Variants in EGFLAM observed in about 807,000 individuals in gnomAD.
The protein encoded by EGFLAM is EGF like, fibronectin type III and laminin G domains.
A neutral mutation model predicts 113.1 loss-of-function variants in EGFLAM; 79 were observed. The observed-to-expected ratio is 0.70, with a 90% CI of 0.58 to 0.84. The LOEUF (loss-of-function observed/expected upper bound fraction) is 0.84, where lower values mean the gene tolerates loss of function less well. EGFLAM is among the 40% of genes least tolerant of loss of function. The probability of loss-of-function intolerance (pLI) is 0.00; values close to 1 mark genes in which losing one functional copy is unlikely to be tolerated. For missense variants in EGFLAM, 1,265 were observed against 1,291.6 expected, an observed-to-expected ratio of 0.98 and a Z score of 0.32; for synonymous variants, 504 against 487.6, an observed-to-expected ratio of 1.03 and a Z score of -0.44.
chr5:38,316,084 A>C (rs1471737526), intron 1 of EGFLAM, among the ~76,000 whole-genome samples: 1 of 151,922 alleles, frequency 6.6e-6, no homozygotes, highest in Non-Finnish European at 1.5e-5. Context: ...CCCAAAAAAA[A>C]AAAAAAAATC....
At chr5:38,274,266 A>G (rs1757832669) in intron 1 of EGFLAM, among the ~76,000 whole-genome samples, 1 of 152,212 alleles carries the variant, frequency 6.6e-6, no homozygotes, top group African/African-American at 2.4e-5. Flanking sequence ...ATGAAAAACA[A>G]AGGGGTAGAA....
chr5:38,323,513 T>G (rs144865082), intron 1 of EGFLAM, among the ~76,000 whole-genome samples: 1 of 152,368 alleles, frequency 6.6e-6, no homozygotes, highest in East Asian at 1.9e-4. Context: ...TTTCAAATGC[T>G]ATGTTTCTTC....
intron 1 of EGFLAM, among the ~76,000 whole-genome samples, chr5:38,291,923 G>A (rs539295412): frequency 1.3e-5 from 2 of 152,322 alleles, no homozygotes; most frequent in Non-Finnish European, 2.9e-5. Context: ...GCACTGCAGA[G>A]CTCTGCGTCA....
In EGFLAM at chr5:38,443,830, G is replaced by T. The variant is rs559010490; in HGVS notation, c.2465-4471G>T. On this transcript the variant is annotated intron_variant, in intron 17 of 21. Transcript: ENST00000322350. Reference sequence around the variant, plus strand: ...TGTCACCCCAGGCTGGAGTGCAGTGGCGTGATCTTGGCTCACTGCAGCCTC... The same window carrying T: ...TGTCACCCCAGGCTGGAGTGCAGTGTCGTGATCTTGGCTCACTGCAGCCTC... Among the ~76,000 whole-genome samples, 15 of 151,180 alleles carry T rather than the reference G, an allele frequency of 9.9e-5. No individual in the cohort carries two copies. The South Asian group carries it at 1.7e-3, about 17-fold the overall frequency.
At chr5:38,368,189 A>G (rs1740112916) in intron 5 of EGFLAM, among the ~76,000 whole-genome samples, 1 of 152,200 alleles carries the variant, frequency 6.6e-6, no homozygotes, top group African/African-American at 2.4e-5. Context: ...CTTTACTTTT[A>G]GGTATCCCCT....
intron 8 of EGFLAM, 99 bp downstream of exon 8, chr5:38,407,245 C>A: frequency 2.3e-6 from 3 of 1,293,128 alleles, no homozygotes; most frequent in Non-Finnish European, 3.2e-6. Flanking sequence ...CTAGTCCCTT[C>A]TCCAAGATAA....
intron 1 of EGFLAM, among the ~76,000 whole-genome samples, chr5:38,336,470 A>G (rs1205881732): frequency 6.6e-6 from 1 of 151,932 alleles, no homozygotes; most frequent in Non-Finnish European, 1.5e-5. Flanking sequence ...GCTACTCCGG[A>G]GGCTGAGGCA....
intron 10 of EGFLAM, among the ~76,000 whole-genome samples, chr5:38,409,429 C>G (rs1399526941): frequency 6.6e-6 from 1 of 151,856 alleles, no homozygotes; most frequent in African/African-American, 2.4e-5. Flanking sequence ...GTACCTGGCA[C>G]TGCAGGTGCT....
At chr5:38,432,563 A>C (rs1419845622) in intron 15 of EGFLAM, among the ~76,000 whole-genome samples, 1 of 152,242 alleles carries the variant, frequency 6.6e-6, no homozygotes, top group Non-Finnish European at 1.5e-5. Context: ...AACCAGAGTC[A>C]CTTCTGGTGC....
intron 17 of EGFLAM, chr5:38,445,786 G>C (rs550578799): frequency 7.0e-7 from 1 of 1,430,958 alleles, no homozygotes; most frequent in East Asian, 2.3e-5. Context: ...CCCGGGGTGA[G>C]TGGTGTGGGA....
intron 6 of EGFLAM, among the ~76,000 whole-genome samples, chr5:38,376,098 T>C (rs1740357632): frequency 6.6e-6 from 1 of 152,164 alleles, no homozygotes; most frequent in Non-Finnish European, 1.5e-5. Flanking sequence ...AGCAGCATTA[T>C]AGTTTCCTTT....
intron 1 of EGFLAM, among the ~76,000 whole-genome samples, chr5:38,323,658 T>C (rs533525492): frequency 3.3e-5 from 5 of 152,310 alleles, no homozygotes; most frequent in African/African-American, 1.2e-4. Context: ...TAGATTTTTT[T>C]TAATATTGAG....
At chr5:38,385,502 T>C (rs1740637465) in intron 6 of EGFLAM, among the ~76,000 whole-genome samples, 1 of 152,156 alleles carries the variant, frequency 6.6e-6, no homozygotes, top group South Asian at 2.1e-4. Flanking sequence ...AAATAAAGCC[T>C]GTACATGTTT....
chr5:38,289,199 G>C (rs901462033), intron 1 of EGFLAM, among the ~76,000 whole-genome samples: 2 of 151,874 alleles, frequency 1.3e-5, no homozygotes, highest in African/African-American at 4.8e-5. Context: ...TTGTATCCTG[G>C]AGTCATCTTT....
chr5:38,372,738 G>T (rs1311413584), intron 6 of EGFLAM, among the ~76,000 whole-genome samples: 4 of 152,098 alleles, frequency 2.6e-5, no homozygotes, highest in Non-Finnish European at 5.9e-5. Context: ...ACACTTCTAG[G>T]TATACACAGT....
At chr5:38,303,593 T>C (rs889472721) in intron 1 of EGFLAM, among the ~76,000 whole-genome samples, 1 of 152,174 alleles carries the variant, frequency 6.6e-6, no homozygotes, top group Non-Finnish European at 1.5e-5. Context: ...TTCTTTGTCT[T>C]CCCTAAAGTA....
chr5:38,445,061 T>A (rs1191461287), intron 17 of EGFLAM, among the ~76,000 whole-genome samples: 1 of 152,228 alleles, frequency 6.6e-6, no homozygotes, highest in Non-Finnish European at 1.5e-5. Flanking sequence ...TGTCCCTATA[T>A]ATACTCACTT....
rs969700100 is a variant in EGFLAM at position 38,405,980 on chromosome 5, G to A, written c.713-146G>A. The A allele has an allele frequency of 7.3e-5, 50 of 684,748 alleles. No individual in the cohort carries two copies. In the African/African-American group the frequency reaches 8.0e-4, roughly 11 times the overall value. 42.4% of individuals were successfully genotyped at this position (684,748 alleles called of 1,614,324 possible). A position where few individuals can be genotyped will look rare whatever the true frequency, so the allele number is the denominator to read the frequency against. ...TTTTTTATATCTTTTGGTCATTGAC[G>A]CTTCCTTTTCTGTGTTGAATTCATT... On this transcript the variant is annotated intron_variant, in intron 6 of 21. Coordinates refer to ENST00000322350, the MANE Select transcript of EGFLAM (RefSeq NM_152403.4).
chr5:38,458,445 A>C (rs1239569312), intron 20 of EGFLAM, 51 bp downstream of exon 20: 1 of 1,582,716 alleles, frequency 6.3e-7, no homozygotes, highest in East Asian at 2.2e-5. Context: ...CAGTGGTGGG[A>C]TGTGGTGTCC....
Sources: allele counts gnomAD v4.1 joint callset (sites outside exome capture counted in the v4.1 genomes callset), GRCh38; gene constraint gnomAD v4.1.1; transcripts MANE v1.5; gene names NCBI Gene and HGNC (gene_info 2026-07-23, HGNC 2026-07-21).